The following PCDHGA6 variants were observed in gnomAD, a reference collection of about 807,000 sequenced individuals.
The protein encoded by PCDHGA6 is protocadherin gamma-A6.
A neutral mutation model predicts 60.6 loss-of-function variants in PCDHGA6; 41 were observed. The ratio of observed to expected loss-of-function variants is 0.68; its 90% CI spans 0.53 to 0.88. The LOEUF (loss-of-function observed/expected upper bound fraction) is 0.88. PCDHGA6 is among the 40% of genes least tolerant of loss of function. The probability of loss-of-function intolerance (pLI) is 0.00; values close to 1 mark genes in which losing one functional copy is unlikely to be tolerated. For synonymous variants in PCDHGA6, 594 were observed against 524.4 expected (o/e 1.13, Z -1.81); for missense variants, 1,312 against 1,203.0 (o/e 1.09, Z -1.34).
chr5:141,394,257 C>A (rs1256817731), intron 1 of PCDHGA6: 1 of 1,613,828 alleles, frequency 6.2e-7, no homozygotes, highest in Non-Finnish European at 8.5e-7. Flanking sequence ...CCCCGACAGC[C>A]AGGAGAATGC....
intron 1 of PCDHGA6, among the ~76,000 whole-genome samples, chr5:141,386,382 A>T (rs2090551092): frequency 6.6e-6 from 1 of 152,330 alleles, no homozygotes; most frequent in South Asian, 2.1e-4. Context: ...AGTATTAATT[A>T]AAAACACACT....
intron 1 of PCDHGA6, among the ~76,000 whole-genome samples, chr5:141,461,644 A>C (rs1266858748): frequency 1.3e-5 from 2 of 151,868 alleles, no homozygotes; most frequent in Non-Finnish European, 2.9e-5. Flanking sequence ...TTCTTCTTTG[A>C]CCCATGGATT....
At chr5:141,387,197 T>C (rs1417433412) in intron 1 of PCDHGA6, among the ~76,000 whole-genome samples, 1 of 152,220 alleles carries the variant, frequency 6.6e-6, no homozygotes, top group East Asian at 1.9e-4. Flanking sequence ...AATTTTGGTA[T>C]TACTGATACT....
Position 141,374,487 on chromosome 5 carries a change from A to C in PCDHGA6, c.404A>C (p.Lys135Thr). 1 of 1,611,648 alleles carries C rather than the reference A, an allele frequency of 6.2e-7. No individual in the cohort carries two copies. The highest frequency in any genetic ancestry group is 8.5e-7 in the Non-Finnish European group (1 of 1,177,852). Reference sequence around the variant, plus strand: ...AATGACAATACACCCCGATTCTTAAAGGAAGAATTGGAAGTGAAAATTCTC... The same window carrying C: ...AATGACAATACACCCCGATTCTTAACGGAAGAATTGGAAGTGAAAATTCTC... ...DINDNTPRFL[K>T]EELEVKILEN... is the part of the protein sequence containing the mutation. Residue 135 changes from lysine to threonine, a missense_variant, in exon 1 of 4, where the codon AAG (lysine) becomes ACG (threonine). Physicochemically the swap from Lys to Thr is moderately conservative, Grantham distance 78. Coordinates refer to ENST00000517434, the MANE Select transcript of PCDHGA6 (RefSeq NM_018919.3).
chr5:141,496,795 T>C (rs886559302), intron 2 of PCDHGA6, among the ~76,000 whole-genome samples: 27 of 151,976 alleles, frequency 1.8e-4, no homozygotes, highest in Middle Eastern at 3.4e-3. Flanking sequence ...GTGCTAAACA[T>C]TGGGCTATAG....
chr5:141,375,093 T>G lies in PCDHGA6; in HGVS notation c.1010T>G (p.Ile337Ser), dbSNP rs1394979484. 1.1e-5 allele frequency: 18 copies of G among 1,613,962 alleles called. No individual in the cohort carries two copies. The highest frequency in any genetic ancestry group is 1.4e-5 in the Non-Finnish European group (17 of 1,179,892). Residue 337 changes from isoleucine (I) to serine (S), a missense_variant, in exon 1 of 4, where the codon ATC becomes AGC. By Grantham distance (142) the Ile-to-Ser change is moderately radical. Coordinates refer to ENST00000517434, the MANE Select transcript of PCDHGA6 (RefSeq NM_018919.3). Reference protein sequence around the residue: ...LRDRAKVLITILDVNDNVPEV... With the variant: ...LRDRAKVLITSLDVNDNVPEV... Reference sequence around the variant, plus strand: ...GACAGAGCGAAAGTCTTAATAACTATCTTGGATGTCAATGATAATGTACCA... The same window carrying G: ...GACAGAGCGAAAGTCTTAATAACTAGCTTGGATGTCAATGATAATGTACCA...
At chr5:141,406,448 A>G (rs149183502) in intron 1 of PCDHGA6, among the ~76,000 whole-genome samples, 1 of 152,348 alleles carries the variant, frequency 6.6e-6, no homozygotes, top group African/African-American at 2.4e-5. Context: ...TTCCATTTCT[A>G]TGACAGGAAA....
intron 2 of PCDHGA6, among the ~76,000 whole-genome samples, chr5:141,495,702 T>G (rs1462896403): frequency 6.6e-6 from 1 of 152,212 alleles, no homozygotes; most frequent in African/African-American, 2.4e-5. Context: ...TCAATAAATG[T>G]GGAGTGAGTA....
chr5:141,507,872 C>T (rs2099864458), intron 3 of PCDHGA6, among the ~76,000 whole-genome samples: 1 of 152,168 alleles, frequency 6.6e-6, no homozygotes, highest in African/African-American at 2.4e-5. Flanking sequence ...GCTTCCTAGC[C>T]CTGAAACCAG....
intron 1 of PCDHGA6, among the ~76,000 whole-genome samples, chr5:141,480,949 G>A (rs949853273): frequency 2.0e-4 from 30 of 152,136 alleles, no homozygotes; most frequent in African/African-American, 4.6e-4. Flanking sequence ...AGAGGCTGAG[G>A]CGGAAGCATC....
chr5:141,431,561 G>C lies in PCDHGA6; in HGVS notation c.2424+55054G>C. On this transcript the variant is annotated intron_variant, in intron 1 of 3. Transcript: ENST00000517434. The surrounding 1 kb of genome is among the most constrained non-coding windows in gnomAD (Gnocchi z 4.8). ...GCAGCTGCTTGTAGTCAACGCTACC[G>C]ACCCTGACGAAGGAGTCAATGCGGA... 6.2e-7 allele frequency: 1 copy of C among 1,614,146 alleles called. No homozygotes were observed. The highest frequency in any genetic ancestry group is 1.1e-5 in the South Asian group (1 of 91,080).
chr5:141,427,556 C>A (rs1022143090), intron 1 of PCDHGA6: 7 of 649,144 alleles, frequency 1.1e-5, no homozygotes, highest in African/African-American at 1.1e-4. Flanking sequence ...CTGCCACTGA[C>A]AAGGGCAAGC....
chr5:141,504,379 G>T (rs181617363), intron 2 of PCDHGA6, among the ~76,000 whole-genome samples: 1 of 152,088 alleles, frequency 6.6e-6, no homozygotes, highest in African/African-American at 2.4e-5. Context: ...AGGTGGAGTC[G>T]CTGCCTCACA....
rs1225025591 is a variant in PCDHGA6 at position 141,493,316 on chromosome 5, T to G, written c.2425-1491T>G. Among the ~76,000 whole-genome samples, 2 of 152,198 alleles carry G rather than the reference T, an allele frequency of 1.3e-5. No homozygotes were observed. The highest frequency in any genetic ancestry group is 2.1e-4 in the South Asian group (1 of 4,826). Reference sequence around the variant, plus strand: ...AGTTCACAGAGCAAGTAAGAGAGATTCTAACCCCTGTCTAACTCCAGAATG... The same window carrying G: ...AGTTCACAGAGCAAGTAAGAGAGATGCTAACCCCTGTCTAACTCCAGAATG... On this transcript the variant is annotated intron_variant, in intron 1 of 3. Coordinates refer to ENST00000517434, the MANE Select transcript of PCDHGA6 (RefSeq NM_018919.3). This position sits in a 1 kb window ranked among gnomAD's most constrained non-coding sequence, Gnocchi z 4.3.
intron 1 of PCDHGA6, chr5:141,410,723 T>G: frequency 7.2e-7 from 1 of 1,391,168 alleles, no homozygotes; most frequent in Non-Finnish European, 9.6e-7. Context: ...ATGTTTAAAA[T>G]CCATAGCTTT....
chr5:141,411,921 T>C (rs1426892834), intron 1 of PCDHGA6: 1 of 152,234 alleles, frequency 6.6e-6, no homozygotes, highest in Non-Finnish European at 1.5e-5. Context: ...TCAGTCTCTG[T>C]CTCTGATTCT....
intron 1 of PCDHGA6, among the ~76,000 whole-genome samples, chr5:141,455,322 G>A (rs376682363): frequency 1.3e-5 from 2 of 152,134 alleles, no homozygotes; most frequent in East Asian, 3.9e-4. Context: ...TTTTGTGTGT[G>A]TGTTTGTGGT....
Position 141,485,181 on chromosome 5 carries a change from G to C in PCDHGA6, c.2425-9626G>C. 1 of 1,612,942 alleles carries C rather than the reference G, an allele frequency of 6.2e-7. No individual in the cohort carries two copies. Among genetic ancestry groups the C allele is most frequent in the East Asian group, 2.2e-5 (1 of 44,868 alleles). On this transcript the variant is annotated intron_variant, in intron 1 of 3. Transcript: ENST00000517434. This position sits in a 1 kb window ranked among gnomAD's most constrained non-coding sequence, Gnocchi z 5.7. ...AATTAGCGGGCGGCAGCAATGCTCC[G>C]CAAGGTGAGAAGCTGGACAGAAATC...
Position 141,485,168 on chromosome 5 carries a change from G to A in PCDHGA6, c.2425-9639G>A. The A allele has an allele frequency of 6.2e-7, 1 of 1,608,668 alleles. No individual in the cohort carries two copies. Among genetic ancestry groups the A allele is most frequent in the Non-Finnish European group, 8.5e-7 (1 of 1,175,736 alleles). ...GGAGCAAGTAGAGAATTAGCGGGCG[G>A]CAGCAATGCTCCGCAAGGTGAGAAG... is the stretch of plus-strand genomic sequence containing the variant. On this transcript the variant is annotated intron_variant, in intron 1 of 3. Coordinates refer to ENST00000517434, the MANE Select transcript of PCDHGA6 (RefSeq NM_018919.3). This position sits in a 1 kb window ranked among gnomAD's most constrained non-coding sequence, Gnocchi z 5.7.
Sources: allele counts gnomAD v4.1 joint callset (sites outside exome capture counted in the v4.1 genomes callset), GRCh38; gene constraint gnomAD v4.1.1; non-coding constraint Gnocchi (gnomAD v3.1); transcripts MANE v1.5; gene names NCBI Gene and HGNC (gene_info 2026-07-23, HGNC 2026-07-21).